Variants in NKAIN2 observed in about 807,000 individuals in gnomAD.
The protein encoded by NKAIN2 is sodium/potassium transporting ATPase interacting 2, also known as sodium/potassium-transporting ATPase subunit beta-1-interacting protein 2.
In NKAIN2, 14 loss-of-function variants were observed where a neutral mutation model predicts 32.6. The ratio of observed to expected loss-of-function variants is 0.43; its 90% confidence interval spans 0.28 to 0.67. The LOEUF (loss-of-function observed/expected upper bound fraction) is 0.67, where lower values mean the gene tolerates loss of function less well. Ranked by LOEUF, NKAIN2 falls within the 30% of genes least tolerant of loss-of-function variation. The probability of loss-of-function intolerance (pLI) is 0.17; values close to 1 mark genes in which losing one functional copy is unlikely to be tolerated. For synonymous variants in NKAIN2, 80 were observed against 87.2 expected, an observed-to-expected ratio of 0.92 and a Z score of 0.46; for missense variants, 198 against 258.3, an observed-to-expected ratio of 0.77 and a Z score of 1.60.
At chr6:124,763,106 A>G (rs1366512251) in intron 4 of NKAIN2, among the ~76,000 whole-genome samples, 2 of 152,230 alleles carry the variant, frequency 1.3e-5, no homozygotes, top group African/African-American at 4.8e-5. Flanking sequence ...AGTTGAACTT[A>G]TAGAAGCAGA....
chr6:124,562,529 T>C (rs1020145378), intron 3 of NKAIN2, among the ~76,000 whole-genome samples: 3 of 152,200 alleles, frequency 2.0e-5, no homozygotes, highest in African/African-American at 7.2e-5. Flanking sequence ...ATTATTAAGG[T>C]TCTCAAAGAA....
intron 4 of NKAIN2, among the ~76,000 whole-genome samples, chr6:124,712,008 T>G (rs534492846): frequency 2.6e-5 from 4 of 151,974 alleles, no homozygotes; most frequent in African/African-American, 9.7e-5. Context: ...GTGTGGATGT[T>G]CTTTCTGTTT....
chr6:124,529,067 G>A (rs2114816060), intron 3 of NKAIN2, among the ~76,000 whole-genome samples: 1 of 152,166 alleles, frequency 6.6e-6, no homozygotes, highest in African/African-American at 2.4e-5. Flanking sequence ...AATTTTCTTT[G>A]ACTCAATATA....
At chr6:124,318,008 A>G (rs1797031748) in intron 2 of NKAIN2, among the ~76,000 whole-genome samples, 1 of 152,074 alleles carries the variant, frequency 6.6e-6, no homozygotes, top group Non-Finnish European at 1.5e-5. Flanking sequence ...AGTTTTAATT[A>G]AAAGAAAAAT....
intron 1 of NKAIN2, among the ~76,000 whole-genome samples, chr6:124,267,146 G>C (rs1794527161): frequency 6.6e-6 from 1 of 151,618 alleles, no homozygotes; most frequent in Admixed American, 6.6e-5. Context: ...CTGAAGAACA[G>C]TGCAGCTCTA....
intron 4 of NKAIN2, among the ~76,000 whole-genome samples, chr6:124,697,485 T>C (rs1026691660): frequency 6.6e-6 from 1 of 152,198 alleles, no homozygotes; most frequent in African/African-American, 2.4e-5. Flanking sequence ...ATCGCAGTTA[T>C]GAGTACACTT....
At chr6:124,766,234 C>A (rs1017754259) in intron 4 of NKAIN2, among the ~76,000 whole-genome samples, 5 of 152,188 alleles carry the variant, frequency 3.3e-5, no homozygotes, top group African/African-American at 1.2e-4. Context: ...ATAAAGTGTT[C>A]TCTAAGACCC....
intron 5 of NKAIN2, among the ~76,000 whole-genome samples, chr6:124,792,738 C>T (rs1369203197): frequency 6.6e-6 from 1 of 151,704 alleles, no homozygotes; most frequent in Non-Finnish European, 1.5e-5. Flanking sequence ...AGGGGTGGTC[C>T]CAGGCAAAAG....
chr6:124,130,871 A>G (rs752888733), intron 1 of NKAIN2, among the ~76,000 whole-genome samples: 2 of 152,150 alleles, frequency 1.3e-5, no homozygotes, highest in Non-Finnish European at 2.9e-5. Flanking sequence ...TCTGGGATGT[A>G]AAGTCAGGAA....
chr6:124,180,522 G>C (rs183032101), intron 1 of NKAIN2, among the ~76,000 whole-genome samples: 183 of 152,170 alleles, frequency 1.2e-3, no homozygotes, highest in African/African-American at 4.2e-3. Flanking sequence ...TGAGATTTGG[G>C]TGGGGACACA....
chr6:124,360,812 C>A (rs567765569), intron 3 of NKAIN2, among the ~76,000 whole-genome samples: 1 of 152,094 alleles, frequency 6.6e-6, no homozygotes, highest in South Asian at 2.1e-4. Context: ...GTGTAACTTC[C>A]TGGGTTGATA....
At chr6:124,305,907 ATTCT>A (rs1239329533) in intron 2 of NKAIN2, among the ~76,000 whole-genome samples, 5 of 151,838 alleles carry the variant, frequency 3.3e-5, no homozygotes, top group Non-Finnish European at 7.4e-5. Context: ...TTATTTCCTA[ATTCT>A]TTCTTTTCTT....
intron 5 of NKAIN2, among the ~76,000 whole-genome samples, chr6:124,808,841 GACAA>G (rs1400174661): frequency 7.2e-4 from 110 of 152,228 alleles, no homozygotes; most frequent in Non-Finnish European, 7.4e-4. Flanking sequence ...ACCAATAACA[GACAA>G]ACAGAGAGCC....
At chr6:123,885,946 CA>C (rs1773692170) in intron 1 of NKAIN2, among the ~76,000 whole-genome samples, 1 of 113,870 alleles carries the variant, frequency 8.8e-6, no homozygotes, top group South Asian at 2.6e-4. Context: ...GAGCAATGAT[CA>C]AAAGAAAAAA....
chr6:124,211,686 T>G (rs1231935900), intron 1 of NKAIN2, among the ~76,000 whole-genome samples: 3 of 151,994 alleles, frequency 2.0e-5, no homozygotes, highest in Admixed American at 6.6e-5. Context: ...TAGTTTAAGA[T>G]TTGAATGTAG....
At chr6:124,772,868 T>C (rs1778823251) in intron 4 of NKAIN2, among the ~76,000 whole-genome samples, 1 of 152,140 alleles carries the variant, frequency 6.6e-6, no homozygotes, top group Admixed American at 6.5e-5. Flanking sequence ...TCAGGTATAA[T>C]GTTTACTCTG....
chr6:124,356,747 A>G (rs1411536011), intron 3 of NKAIN2, among the ~76,000 whole-genome samples: 1 of 152,172 alleles, frequency 6.6e-6, no homozygotes, highest in South Asian at 2.1e-4. Context: ...TTTTCCAAGG[A>G]TTTGAATTCC....
chr6:124,629,275 CCTT>C (rs749870845), intron 3 of NKAIN2, among the ~76,000 whole-genome samples: 159 of 152,236 alleles, frequency 1.0e-3, no homozygotes, highest in Admixed American at 1.6e-3. Flanking sequence ...CCAGGACAGT[CCTT>C]CTTCCACTTT....
intron 4 of NKAIN2, among the ~76,000 whole-genome samples, chr6:124,721,209 G>A (rs1219224314): frequency 6.6e-6 from 1 of 152,078 alleles, no homozygotes; most frequent in Non-Finnish European, 1.5e-5. Flanking sequence ...GAGGTCAGGA[G>A]ATCGAGACCA....
Sources: gnomAD v4.1 joint callset for allele counts (sites outside exome capture counted in the v4.1 genomes callset) on GRCh38, gnomAD v4.1.1 for gene constraint, MANE v1.5 for transcripts, NCBI Gene and HGNC (gene_info 2026-07-23, HGNC 2026-07-21) for gene names.